Variants in TADA2A observed in about 807,000 individuals in gnomAD.
TADA2A encodes transcriptional adaptor 2A, also known as transcriptional adapter 2-alpha.
TADA2A carries 38 observed loss-of-function variants against 67.4 expected under a neutral mutation model. The observed-to-expected ratio is 0.56, with a 90% CI of 0.44 to 0.74. The LOEUF is 0.74. Among genes scored for constraint, TADA2A ranks in the 30% least tolerant of loss-of-function variants. TADA2A has a pLI of 0.00. For missense variants in TADA2A, 454 were observed against 547.0 expected (o/e 0.83, Z 1.70); for synonymous variants, 192 against 181.6 (o/e 1.06, Z -0.46).
chr17:37,418,785 C>T (rs764201092), intron 2 of TADA2A, among the ~76,000 whole-genome samples: 2 of 151,956 alleles, frequency 1.3e-5, no homozygotes, highest in African/African-American at 2.4e-5. Flanking sequence ...GGTGGGGTTT[C>T]ACCATGTTGG....
chr17:37,431,495 G>A (rs536419810), intron 4 of TADA2A, among the ~76,000 whole-genome samples: 4 of 151,936 alleles, frequency 2.6e-5, no homozygotes, highest in Admixed American at 6.6e-5. Context: ...ATAAATTTCC[G>A]TTTACCCATC....
intron 2 of TADA2A, among the ~76,000 whole-genome samples, chr17:37,414,167 A>G (rs559062619): frequency 3.7e-4 from 57 of 152,210 alleles, no homozygotes; most frequent in Middle Eastern, 3.4e-3. Context: ...TCCATGGTAT[A>G]TATGTACCGC....
intron 2 of TADA2A, among the ~76,000 whole-genome samples, chr17:37,422,868 A>C (rs1363517882): frequency 6.6e-6 from 1 of 152,156 alleles, no homozygotes; most frequent in African/African-American, 2.4e-5. Context: ...GATTTTCTTT[A>C]TATTGTATGT....
intron 15 of TADA2A, among the ~76,000 whole-genome samples, chr17:37,475,831 A>T (rs1429434239): frequency 6.6e-6 from 1 of 152,196 alleles, no homozygotes; most frequent in Non-Finnish European, 1.5e-5. Context: ...TATTGATTTT[A>T]TCTGTTTCTA....
intron 7 of TADA2A, among the ~76,000 whole-genome samples, 196 bp downstream of exon 7, chr17:37,442,848 C>A (rs2052962342): frequency 6.6e-6 from 1 of 152,060 alleles, no homozygotes; most frequent in Admixed American, 6.6e-5. Flanking sequence ...ACATATGGAA[C>A]AGTAAAAATT....
chr17:37,456,456 A>G (rs1251908790), intron 8 of TADA2A, among the ~76,000 whole-genome samples: 2 of 152,220 alleles, frequency 1.3e-5, no homozygotes, highest in African/African-American at 4.8e-5. Context: ...AGGAGAGACA[A>G]GATGCCTGAG....
At chr17:37,452,340 T>A (rs1050167122) in intron 8 of TADA2A, among the ~76,000 whole-genome samples, 1 of 151,870 alleles carries the variant, frequency 6.6e-6, no homozygotes, top group South Asian at 2.1e-4. Flanking sequence ...GAGGTGGAGG[T>A]TGCAGTGAGC....
intron 2 of TADA2A, among the ~76,000 whole-genome samples, chr17:37,416,262 G>A (rs2052042826): frequency 6.6e-6 from 1 of 151,722 alleles, no homozygotes; most frequent in Admixed American, 6.6e-5. Context: ...GGGATTACAG[G>A]CACATGCTGC....
intron 8 of TADA2A, among the ~76,000 whole-genome samples, chr17:37,452,777 TAA>T (rs879688095): frequency 7.3e-4 from 104 of 141,966 alleles, no homozygotes; most frequent in Non-Finnish European, 1.1e-3. Flanking sequence ...TTCTGCTACC[TAA>T]AAAAAAAAAA....
chr17:37,440,420 T>G, intron 5 of TADA2A, 85 bp from the exon 6 acceptor site: 1 of 1,483,214 alleles, frequency 6.7e-7, no homozygotes, highest in Non-Finnish European at 9.1e-7. Flanking sequence ...TGGATGTGAC[T>G]TAAAATATGA....
chr17:37,443,254 C>CT (rs965371949), intron 7 of TADA2A, among the ~76,000 whole-genome samples: 10,054 of 141,380 alleles, frequency 0.071, 372 homozygotes, highest in Middle Eastern at 0.1. Flanking sequence ...TAGTCTGGTT[C>CT]TTTTTTTTTT....
chr17:37,472,826 C>T (rs1409288739), intron 14 of TADA2A, among the ~76,000 whole-genome samples: 1 of 152,132 alleles, frequency 6.6e-6, no homozygotes, highest in Non-Finnish European at 1.5e-5. Context: ...CGCACCATTG[C>T]ACTCCAGCCT....
chr17:37,433,902 C>T (rs893262797), intron 4 of TADA2A, among the ~76,000 whole-genome samples: 2 of 151,198 alleles, frequency 1.3e-5, no homozygotes, highest in East Asian at 1.9e-4. Context: ...TGCGGTGAGC[C>T]GAGATCATGC....
chr17:37,474,249 A>G (rs955481783), intron 14 of TADA2A, among the ~76,000 whole-genome samples: 4 of 152,304 alleles, frequency 2.6e-5, no homozygotes, highest in Admixed American at 2.6e-4. Context: ...AAAAATAATA[A>G]TAATAAATAA....
chr17:37,442,684 G>A, intron 7 of TADA2A, 32 bp downstream of exon 7: 1 of 1,598,488 alleles, frequency 6.3e-7, no homozygotes, highest in Non-Finnish European at 8.6e-7. Flanking sequence ...CACAAAGTAG[G>A]AAAAATTCAT....
intron 4 of TADA2A, among the ~76,000 whole-genome samples, chr17:37,433,379 C>G (rs974481687): frequency 6.6e-6 from 1 of 152,054 alleles, no homozygotes; most frequent in African/African-American, 2.4e-5. Flanking sequence ...GAACATTGGC[C>G]GGGTGCGGTG....
intron 9 of TADA2A, among the ~76,000 whole-genome samples, chr17:37,459,005 TC>T (rs2053477425): frequency 6.6e-6 from 1 of 152,030 alleles, no homozygotes; most frequent in Non-Finnish European, 1.5e-5. Flanking sequence ...CCACATATAG[TC>T]CATGAGAGAA....
chr17:37,427,973 C>T (rs928612810), intron 4 of TADA2A, among the ~76,000 whole-genome samples: 1 of 151,220 alleles, frequency 6.6e-6, no homozygotes, highest in Non-Finnish European at 1.5e-5. Flanking sequence ...CAGAGTGAGA[C>T]TCCATCTCAA....
chr17:37,464,709 G>A (rs1253165163), intron 10 of TADA2A, among the ~76,000 whole-genome samples: 1 of 151,652 alleles, frequency 6.6e-6, no homozygotes, highest in Non-Finnish European at 1.5e-5. Flanking sequence ...GCATGGCGGT[G>A]TGCCTGTAAT....
Sources: allele counts gnomAD v4.1 joint callset (sites outside exome capture counted in the v4.1 genomes callset), GRCh38; gene constraint gnomAD v4.1.1; transcripts MANE v1.5; gene names NCBI Gene and HGNC (gene_info 2026-07-23, HGNC 2026-07-21).